Variants in PMM2 observed in about 807,000 individuals in gnomAD.
PMM2 encodes the protein phosphomannomutase 2, also known as mannose-6-phosphate isomerase.
In PMM2, 35 loss-of-function variants were observed where a neutral mutation model predicts 33.2. The ratio of observed to expected loss-of-function variants is 1.06; its 90% confidence interval spans 0.81 to 1.40. PMM2 has a LOEUF of 1.40. Ranked by LOEUF, PMM2 falls within the 40% of genes most tolerant of loss-of-function variation. The pLI is 0.00. For synonymous variants in PMM2, 153 were observed against 114.7 expected (o/e 1.33, Z -2.13); for missense variants, 386 against 306.0 (o/e 1.26, Z -1.95).
chr16:8,805,086 C>G (rs759677277), intron 3 of PMM2, among the ~76,000 whole-genome samples: 116 of 152,340 alleles, frequency 7.6e-4, no homozygotes, highest in Non-Finnish European at 1.6e-3. Flanking sequence ...GAGTCTTGCT[C>G]TGTCACCCAG....
chr16:8,847,638 T>G, intron 7 of PMM2, 86 bp from the exon 8 acceptor site: 2 of 942,512 alleles, frequency 2.1e-6, no homozygotes, highest in African/African-American at 1.6e-5. Flanking sequence ...TCTTGTTTTT[T>G]GGGTACTTTT....
intron 7 of PMM2, among the ~76,000 whole-genome samples, chr16:8,833,751 A>G (rs531473967): frequency 2.0e-5 from 3 of 152,164 alleles, no homozygotes; most frequent in South Asian, 2.1e-4. Flanking sequence ...ACTAAATGGA[A>G]TAAGAGAAGG....
intron 7 of PMM2, chr16:8,832,027 G>A (rs932543854): frequency 1.3e-5 from 7 of 526,406 alleles, no homozygotes; most frequent in African/African-American, 2.1e-5. Context: ...TGCAAATCCA[G>A]CATTTGAAAT....
At position 8,815,041 on chromosome 16, in the gene PMM2, G is replaced by A. The variant is rs555156088; in HGVS notation, c.639+1935G>A. 7.2e-5 allele frequency among the ~76,000 whole-genome samples: 11 copies of A among 152,122 alleles called. No homozygotes were observed. In the South Asian group the frequency reaches 2.3e-3, roughly 32 times the overall value. On this transcript the variant is annotated intron_variant, in intron 7 of 7. Coordinates refer to ENST00000268261, the MANE Select transcript of PMM2 (RefSeq NM_000303.3). ...CCACCGTTCTTTTCTCTGCTTATATGACTTTAGCACCTTTAGATATCTGAT... is the reference window on the plus strand; with the variant it reads ...CCACCGTTCTTTTCTCTGCTTATATAACTTTAGCACCTTTAGATATCTGAT...
chr16:8,840,941 A>G (rs566853397), intron 7 of PMM2, among the ~76,000 whole-genome samples: 1 of 152,158 alleles, frequency 6.6e-6, no homozygotes, highest in South Asian at 2.1e-4. Context: ...ACTGGAAGAC[A>G]GTCGCCTAGA....
chr16:8,832,491 G>C (rs1010083181), intron 7 of PMM2: 2 of 985,298 alleles, frequency 2.0e-6, no homozygotes, highest in Non-Finnish European at 2.4e-6. Context: ...GACTCGTGCC[G>C]TTAGGCCTCT....
chr16:8,811,572 G>A, intron 5 of PMM2, 66 bp from the exon 6 acceptor site: 1 of 952,302 alleles, frequency 1.1e-6, no homozygotes, highest in Non-Finnish European at 1.7e-6. Flanking sequence ...TTTGTGGCCA[G>A]TAGTTAAAAC....
intron 7 of PMM2, among the ~76,000 whole-genome samples, chr16:8,816,015 G>A (rs930916901): frequency 1.3e-5 from 2 of 151,310 alleles, no homozygotes; most frequent in African/African-American, 4.8e-5. Context: ...GTTCTCCAAA[G>A]AAGACATGCA....
chr16:8,815,659 C>T (rs563476568), intron 7 of PMM2, among the ~76,000 whole-genome samples: 21 of 152,250 alleles, frequency 1.4e-4, no homozygotes, highest in Admixed American at 3.3e-4. Context: ...ATCCTGACTT[C>T]GTCCTTTTGG....
chr16:8,822,723 T>G (rs536177149), intron 7 of PMM2, among the ~76,000 whole-genome samples: 1 of 152,242 alleles, frequency 6.6e-6, no homozygotes, highest in Non-Finnish European at 1.5e-5. Context: ...TTCTTTCTGC[T>G]GACAGGGAGC....
At chr16:8,814,330 C>G (rs2060694303) in intron 7 of PMM2, among the ~76,000 whole-genome samples, 1 of 152,182 alleles carries the variant, frequency 6.6e-6, no homozygotes. Context: ...TGCCTCCCTC[C>G]CACATGCAGG....
intron 7 of PMM2, among the ~76,000 whole-genome samples, chr16:8,833,647 T>C (rs1365624438): frequency 6.6e-6 from 1 of 150,824 alleles, no homozygotes; most frequent in Non-Finnish European, 1.5e-5. Context: ...GGAGGTCTTG[T>C]GGTAAGGGGT....
At chr16:8,817,920 T>TC (rs945553978) in intron 7 of PMM2, among the ~76,000 whole-genome samples, 1 of 151,676 alleles carries the variant, frequency 6.6e-6, no homozygotes, top group African/African-American at 2.4e-5. Context: ...TTTTTTTTTT[T>TC]TGAGACAGAG....
chr16:8,808,823 G>A (rs897305236), intron 4 of PMM2: 4 of 152,236 alleles, frequency 2.6e-5, no homozygotes, highest in Non-Finnish European at 4.4e-5. Flanking sequence ...TACACACGTG[G>A]TAGAGGACAG....
intron 7 of PMM2, among the ~76,000 whole-genome samples, chr16:8,813,800 A>G (rs1446450614): frequency 2.0e-5 from 3 of 151,206 alleles, no homozygotes; most frequent in African/African-American, 7.3e-5. Flanking sequence ...TGCTGCCATC[A>G]AAGGCCCAAG....
chr16:8,811,032 A>C (rs778380544), intron 4 of PMM2, 47 bp from the exon 5 acceptor site: 50 of 1,172,398 alleles, frequency 4.3e-5, no homozygotes, highest in Non-Finnish European at 8.7e-6. Context: ...TGTTGCCCAA[A>C]TGAATAACGT....
chr16:8,825,914 C>T lies in PMM2; in HGVS notation c.639+12808C>T, dbSNP rs532914549. Among the ~76,000 whole-genome samples, 3 of 152,084 alleles carry T rather than the reference C, an allele frequency of 2.0e-5. No homozygotes were observed. The East Asian group carries it at 5.8e-4, about 30-fold the overall frequency. The stretch of plus-strand genomic sequence containing the variant: ...GGGACTACAGGCGTGTGCCACCACG[C>T]CCGGCTAATTTTTGTATTTTTAGTA... On this transcript the variant is annotated intron_variant, in intron 7 of 7. Transcript: ENST00000268261.
At chr16:8,813,888 A>T (rs1306480226) in intron 7 of PMM2, among the ~76,000 whole-genome samples, 1 of 112,882 alleles carries the variant, frequency 8.9e-6, no homozygotes. Flanking sequence ...TTTTTCTGAG[A>T]CAGAGTCTCG....
At chr16:8,817,439 C>T (rs575387078) in intron 7 of PMM2, among the ~76,000 whole-genome samples, 1 of 152,320 alleles carries the variant, frequency 6.6e-6, no homozygotes, top group Non-Finnish European at 1.5e-5. Context: ...GCTATTAAGA[C>T]ACACGACAGC....
Sources: allele counts gnomAD v4.1 joint callset (sites outside exome capture counted in the v4.1 genomes callset), GRCh38; gene constraint gnomAD v4.1.1; transcripts MANE v1.5; gene names NCBI Gene and HGNC (gene_info 2026-07-23, HGNC 2026-07-21).